Variants in TAS2R1 observed in about 807,000 individuals in gnomAD.
TAS2R1 encodes taste receptor type 2 member 1.
For missense variants in TAS2R1, 370 were observed against 353.4 expected, an observed-to-expected ratio of 1.05 and a Z score of -0.38; for synonymous variants, 141 against 134.2, an observed-to-expected ratio of 1.05 and a Z score of -0.35.
intron 1 of TAS2R1, among the ~76,000 whole-genome samples, chr5:9,701,213 GACACGCAGACACACACAC>G (rs1287407272): frequency 1.6e-5 from 2 of 125,376 alleles, no homozygotes; most frequent in African/African-American, 6.3e-5. Flanking sequence ...CAACATGGCA[GACACGCAGACACACACAC>G]ACACACACAC....
the TAS2R1 span, among the ~76,000 whole-genome samples, chr5:9,798,341 C>CA: frequency 1.4e-4 from 21 of 150,960 alleles, no homozygotes; most frequent in Admixed American, 7.3e-4. Context: ...TGTAAATTTA[C>CA]AAAAAAAATT....
the TAS2R1 span, among the ~76,000 whole-genome samples, chr5:9,782,941 G>A: frequency 1.3e-5 from 2 of 152,246 alleles, no homozygotes; most frequent in South Asian, 2.1e-4. Flanking sequence ...AGAAACCCAC[G>A]AGCTAGAGGG....
At chr5:9,830,605 G>GCGCACACACACACA in the TAS2R1 span, among the ~76,000 whole-genome samples, 1 of 149,708 alleles carries the variant, frequency 6.7e-6, no homozygotes, top group African/African-American at 2.5e-5. Flanking sequence ...ACGTGCGCGC[G>GCGCACACACACACA]CACACACACA....
chr5:9,656,284 C>T (rs1046332740), intron 2 of TAS2R1, among the ~76,000 whole-genome samples: 4 of 152,196 alleles, frequency 2.6e-5, no homozygotes, highest in Non-Finnish European at 4.4e-5. Flanking sequence ...TCACTCACTA[C>T]TGGTAGAAGC....
At chr5:9,691,061 C>T (rs1190696120) in intron 1 of TAS2R1, among the ~76,000 whole-genome samples, 5 of 152,186 alleles carry the variant, frequency 3.3e-5, no homozygotes, top group Non-Finnish European at 5.9e-5. Context: ...ATATGTCCAC[C>T]GCCTAATATG....
chr5:9,644,893 CT>C (rs1200265526), intron 2 of TAS2R1, among the ~76,000 whole-genome samples: 2 of 152,064 alleles, frequency 1.3e-5, no homozygotes, highest in Non-Finnish European at 2.9e-5. Context: ...GTTTCCTAAT[CT>C]CTTTATGTAT....
the TAS2R1 span, among the ~76,000 whole-genome samples, chr5:9,886,895 A>G: frequency 5.5e-4 from 84 of 152,234 alleles, no homozygotes; most frequent in East Asian, 0.015. Flanking sequence ...AATAATAATA[A>G]ACTGGAACAT....
chr5:9,824,015 G>A, the TAS2R1 span, among the ~76,000 whole-genome samples: 7 of 152,118 alleles, frequency 4.6e-5, no homozygotes, highest in East Asian at 1.9e-4. Flanking sequence ...AGTGTTGCCC[G>A]CCTGCCTCCT....
the TAS2R1 span, among the ~76,000 whole-genome samples, chr5:9,864,886 C>T: frequency 3.3e-5 from 5 of 152,296 alleles, no homozygotes; most frequent in Admixed American, 6.5e-5. Context: ...AGGCCACAAA[C>T]TGCCCCATAA....
chr5:9,629,539 G>T lies in TAS2R1; in HGVS notation c.494C>A (p.Thr165Lys). The change falls in exon 1 of 1, where the codon ACA becomes AAA. Residue 165 changes from threonine to lysine, a missense_variant. Thr to Lys is a moderately conservative substitution (Grantham distance 78). Transcript: ENST00000382492. ...FLRKFFSQNA[T>K]IQKEDTLAIQ... Reference sequence around the variant, plus strand: ...AGCCAGTGTATCTTCTTTTTGAATTGTGGCATTTTGGGAGAAAAATTTCCT... The same window carrying T: ...AGCCAGTGTATCTTCTTTTTGAATTTTGGCATTTTGGGAGAAAAATTTCCT... The T allele has an allele frequency of 6.2e-7, 1 of 1,613,846 alleles. No homozygotes were observed. Among genetic ancestry groups the T allele is most frequent in the Non-Finnish European group, 8.5e-7 (1 of 1,179,940 alleles).
the TAS2R1 span, among the ~76,000 whole-genome samples, chr5:9,768,682 A>G: frequency 3.9e-5 from 6 of 152,236 alleles, no homozygotes; most frequent in African/African-American, 1.2e-4. Context: ...ACACTTTGTC[A>G]TAATTGCTTG....
At chr5:9,726,815 A>G in the TAS2R1 span, among the ~76,000 whole-genome samples, 1 of 152,358 alleles carries the variant, frequency 6.6e-6, no homozygotes, top group East Asian at 1.9e-4. Context: ...ACTTCTCAAC[A>G]GAGAAGCTGA....
chr5:9,720,197 C>T, the TAS2R1 span, among the ~76,000 whole-genome samples: 1 of 152,192 alleles, frequency 6.6e-6, no homozygotes, highest in Non-Finnish European at 1.5e-5. Context: ...TTATTTAGCT[C>T]TTGCTGTATG....
chr5:9,650,171 T>C (rs1024824206), intron 2 of TAS2R1, among the ~76,000 whole-genome samples: 1 of 152,168 alleles, frequency 6.6e-6, no homozygotes, highest in Admixed American at 6.5e-5. Context: ...AAATTTGTAT[T>C]CTAAGATGAT....
At chr5:9,775,806 T>A in the TAS2R1 span, among the ~76,000 whole-genome samples, 1 of 152,094 alleles carries the variant, frequency 6.6e-6, no homozygotes, top group African/African-American at 2.4e-5. Context: ...TGAGCTGATA[T>A]CCAAGTTGCA....
At chr5:9,708,686 C>G (rs1312027365) in intron 1 of TAS2R1, among the ~76,000 whole-genome samples, 1 of 152,002 alleles carries the variant, frequency 6.6e-6, no homozygotes, top group South Asian at 2.1e-4. Flanking sequence ...AGCATTCAAT[C>G]ATTAAATCTT....
the TAS2R1 span, among the ~76,000 whole-genome samples, chr5:9,826,057 T>C: frequency 2.0e-5 from 3 of 152,346 alleles, no homozygotes; most frequent in South Asian, 6.2e-4. Context: ...AAACGGTAAT[T>C]TTTATAATTA....
At chr5:9,659,241 C>A (rs559496259) in intron 2 of TAS2R1, among the ~76,000 whole-genome samples, 105 of 152,262 alleles carry the variant, frequency 6.9e-4, no homozygotes, top group African/African-American at 2.4e-3. Context: ...CCATGAACTA[C>A]TCCCCCATGG....
At chr5:9,837,495 C>G in the TAS2R1 span, among the ~76,000 whole-genome samples, 1 of 152,214 alleles carries the variant, frequency 6.6e-6, no homozygotes, top group Non-Finnish European at 1.5e-5. Flanking sequence ...CTAAATTGTT[C>G]CTGGATCTAT....
Sources: allele counts gnomAD v4.1 joint callset (sites outside exome capture counted in the v4.1 genomes callset), GRCh38; gene constraint gnomAD v4.1.1; transcripts MANE v1.5; gene names NCBI Gene and HGNC (gene_info 2026-07-23, HGNC 2026-07-21).